Variants in FILIP1 observed in about 807,000 individuals in gnomAD.
The protein encoded by FILIP1 is filamin A interacting protein 1, also known as filamin-A-interacting protein 1.
In FILIP1, 61 loss-of-function variants were observed where a neutral mutation model predicts 102.1. That is an observed-to-expected ratio of 0.60 (90% CI 0.49 to 0.74). The LOEUF (loss-of-function observed/expected upper bound fraction) is 0.74, where lower values mean the gene tolerates loss of function less well. Among genes scored for constraint, FILIP1 ranks in the 30% least tolerant of loss-of-function variants. The probability of loss-of-function intolerance (pLI) is 0.00; values close to 1 mark genes in which losing one functional copy is unlikely to be tolerated. For synonymous variants in FILIP1, 491 were observed against 526.9 expected (o/e 0.93, Z 0.93); for missense variants, 1,314 against 1,441.2 (o/e 0.91, Z 1.43).
rs116282879 is a variant in FILIP1, at chr6:75,426,024, T to C, written c.-6-11046A>G. Among the ~76,000 whole-genome samples, 1,457 of 152,262 alleles carry C rather than the reference T, an allele frequency of 9.6e-3. 26 individuals carry two copies. Among genetic ancestry groups the C allele is most frequent in the African/African-American group, 0.033 (1,391 of 41,560 alleles). ...GCTTTGCAGGCCATACGGTCTCTGT[T>C]GCATCTACTCAACTGTACTATTGTA... is the stretch of plus-strand genomic sequence containing the variant. On this transcript the variant is annotated intron_variant, in intron 1 of 5. Coordinates refer to ENST00000237172, the MANE Select transcript of FILIP1 (RefSeq NM_015687.5).
chr6:75,444,073 C>G lies in FILIP1; in HGVS notation c.-6-29095G>C, dbSNP rs554476798. On this transcript the variant is annotated intron_variant, in intron 1 of 5. Coordinates refer to ENST00000237172, the MANE Select transcript of FILIP1 (RefSeq NM_015687.5). Reference sequence around the variant, plus strand: ...CAATAAAGGCAAATAATGGTAAACACAATGACTCAAATATAATTTTGTGAT... The same window carrying G: ...CAATAAAGGCAAATAATGGTAAACAGAATGACTCAAATATAATTTTGTGAT... Among the ~76,000 whole-genome samples, 21 of 152,284 alleles carry G rather than the reference C, an allele frequency of 1.4e-4. No individual in the cohort carries two copies. In the East Asian group the frequency reaches 3.7e-3, roughly 27 times the overall value.
chr6:75,313,295 G>A lies in FILIP1; in HGVS notation c.2537C>T (p.Pro846Leu), dbSNP rs765584991. Residue 846 changes from proline (P) to leucine (L), a missense_variant, in exon 5 of 6, where the codon CCC becomes CTC. By Grantham distance (98) the Pro-to-Leu change is moderately conservative. This residue lies in a region of FILIP1 where 816 missense variants were observed against 913.1 expected (regional missense o/e 0.89). Coordinates refer to ENST00000237172, the MANE Select transcript of FILIP1 (RefSeq NM_015687.5). The surrounding 1 kb of genome is among the most constrained non-coding windows in gnomAD (Gnocchi z 4.2). ...GTCTAGAACAGAAGATCTTTCCACGGGTTTCTTCAATCCCACCTGCCGAAG... is the reference window on the plus strand; with the variant it reads ...GTCTAGAACAGAAGATCTTTCCACGAGTTTCTTCAATCCCACCTGCCGAAG... The part of the protein sequence containing the change: ...SNLRQVGLKK[P>L]VERSSVLDRY... 15 of 1,613,948 alleles carry A rather than the reference G, an allele frequency of 9.3e-6. No individual in the cohort carries two copies. In the South Asian group the frequency reaches 1.5e-4, roughly 17 times the overall value.
At chr6:75,403,127 T>C (rs1418723303) in intron 2 of FILIP1, among the ~76,000 whole-genome samples, 1 of 152,142 alleles carries the variant, frequency 6.6e-6, no homozygotes, top group African/African-American at 2.4e-5. Flanking sequence ...AGGATCAATG[T>C]AGGATTTCAT....
intron 1 of FILIP1, among the ~76,000 whole-genome samples, chr6:75,417,898 G>T (rs1278703712): frequency 6.6e-6 from 1 of 152,064 alleles, no homozygotes; most frequent in Non-Finnish European, 1.5e-5. Flanking sequence ...TAAATCAGGG[G>T]ATCAAGAAAA....
At chr6:75,405,417 A>C (rs1411204380) in intron 2 of FILIP1, among the ~76,000 whole-genome samples, 2 of 152,280 alleles carry the variant, frequency 1.3e-5, no homozygotes, top group African/African-American at 4.8e-5. Context: ...AACAAACAAA[A>C]AACCCAGAAA....
chr6:75,417,865 A>T (rs930048794), intron 1 of FILIP1, among the ~76,000 whole-genome samples: 1 of 152,186 alleles, frequency 6.6e-6, no homozygotes, highest in Non-Finnish European at 1.5e-5. Flanking sequence ...ACATATGCTA[A>T]TTGGAAGAGG....
intron 1 of FILIP1, among the ~76,000 whole-genome samples, chr6:75,426,585 A>T (rs1358755197): frequency 1.3e-5 from 2 of 152,176 alleles, no homozygotes; most frequent in Non-Finnish European, 2.9e-5. Flanking sequence ...AGAGTCACCA[A>T]GGCAGATGGC....
intron 1 of FILIP1, among the ~76,000 whole-genome samples, chr6:75,421,221 G>A (rs1777453124): frequency 6.6e-6 from 1 of 152,168 alleles, no homozygotes; most frequent in South Asian, 2.1e-4. Context: ...GAGTATAAAT[G>A]ACAGCAGATG....
At chr6:75,368,587 T>G (rs1775414977) in intron 2 of FILIP1, among the ~76,000 whole-genome samples, 1 of 152,082 alleles carries the variant, frequency 6.6e-6, no homozygotes, top group African/African-American at 2.4e-5. Context: ...AGAAGAACGC[T>G]TAACTTGAAT....
intron 1 of FILIP1, among the ~76,000 whole-genome samples, chr6:75,417,037 TTA>T (rs1388007430): frequency 3.3e-5 from 5 of 152,100 alleles, no homozygotes; most frequent in Non-Finnish European, 5.9e-5. Flanking sequence ...TATTATAGTA[TTA>T]TATTAATGGC....
chr6:75,335,523 T>G (rs1582362618), intron 4 of FILIP1, among the ~76,000 whole-genome samples: 1 of 152,082 alleles, frequency 6.6e-6, no homozygotes, highest in Non-Finnish European at 1.5e-5. Flanking sequence ...CCTCCTTCCC[T>G]TCATTCCTTT....
intron 4 of FILIP1, among the ~76,000 whole-genome samples, chr6:75,346,498 G>T (rs1032083040): frequency 6.6e-6 from 1 of 152,086 alleles, no homozygotes; most frequent in Non-Finnish European, 1.5e-5. Flanking sequence ...CATTTTTAAT[G>T]GTCTCCTTCA....
chr6:75,410,890 T>C (rs1343379550), intron 2 of FILIP1, among the ~76,000 whole-genome samples: 1 of 152,242 alleles, frequency 6.6e-6, no homozygotes, highest in Non-Finnish European at 1.5e-5. Flanking sequence ...TATGTGTGCA[T>C]GTGTCTTTAC....
At chr6:75,435,712 T>G (rs1480347477) in intron 1 of FILIP1, among the ~76,000 whole-genome samples, 2 of 152,182 alleles carry the variant, frequency 1.3e-5, no homozygotes, top group Non-Finnish European at 2.9e-5. Flanking sequence ...ACTCTTACAT[T>G]TCCTTCTCTC....
chr6:75,423,581 C>A (rs1257711946), intron 1 of FILIP1, among the ~76,000 whole-genome samples: 1 of 152,118 alleles, frequency 6.6e-6, no homozygotes, highest in African/African-American at 2.4e-5. Context: ...CTTAGCAAAT[C>A]GATAAGATGC....
chr6:75,400,120 G>A (rs1325852342), intron 2 of FILIP1, among the ~76,000 whole-genome samples: 2 of 152,116 alleles, frequency 1.3e-5, no homozygotes, highest in Non-Finnish European at 2.9e-5. Flanking sequence ...ACTGTGACAG[G>A]TAGAAAACAA....
intron 1 of FILIP1, among the ~76,000 whole-genome samples, chr6:75,424,187 G>A (rs1777561997): frequency 1.3e-5 from 2 of 152,288 alleles, no homozygotes; most frequent in Admixed American, 1.3e-4. Context: ...TGTGCAAGAA[G>A]TCTGAATGGA....
intron 2 of FILIP1, among the ~76,000 whole-genome samples, chr6:75,392,464 T>TA (rs879502092): frequency 6.6e-6 from 1 of 152,190 alleles, no homozygotes; most frequent in Non-Finnish European, 1.5e-5. Context: ...TCCACTTGTC[T>TA]ACTCTCCACC....
chr6:75,463,826 G>A (rs532173430), intron 1 of FILIP1, among the ~76,000 whole-genome samples: 1 of 152,228 alleles, frequency 6.6e-6, no homozygotes, highest in South Asian at 2.1e-4. Flanking sequence ...TCCTTATCCA[G>A]AGATGTTTGT....
Sources: allele counts gnomAD v4.1 joint callset (sites outside exome capture counted in the v4.1 genomes callset), GRCh38; gene constraint gnomAD v4.1.1; regional missense constraint gnomAD v4.1.1; non-coding constraint Gnocchi (gnomAD v3.1); transcripts MANE v1.5; gene names NCBI Gene and HGNC (gene_info 2026-07-23, HGNC 2026-07-21).